Variants in PDE9A observed in about 807,000 individuals in gnomAD.
The protein encoded by PDE9A is high affinity cGMP-specific 3',5'-cyclic phosphodiesterase 9A.
PDE9A carries 60 observed loss-of-function variants against 87.4 expected under a neutral mutation model. The ratio of observed to expected loss-of-function variants is 0.69; its 90% CI spans 0.56 to 0.85. The LOEUF (loss-of-function observed/expected upper bound fraction) is 0.85. Ranked by LOEUF, PDE9A falls within the 40% of genes least tolerant of loss-of-function variation. The pLI, the probability that PDE9A is intolerant of heterozygous loss-of-function variation, is 0.00. For missense variants in PDE9A, 665 were observed against 779.0 expected (o/e 0.85, Z 1.74); for synonymous variants, 272 against 279.4 (o/e 0.97, Z 0.27).
At chr21:42,661,778 C>T (rs2057518401) in intron 1 of PDE9A, among the ~76,000 whole-genome samples, 1 of 152,230 alleles carries the variant, frequency 6.6e-6, no homozygotes, top group Non-Finnish European at 1.5e-5. Context: ...GAAGGCCTCT[C>T]CACGTCTTGA....
chr21:42,676,683 G>A (rs1017477671), intron 1 of PDE9A, among the ~76,000 whole-genome samples: 2 of 152,140 alleles, frequency 1.3e-5, no homozygotes, highest in Non-Finnish European at 2.9e-5. Context: ...GAGGGCATCC[G>A]ACTCATCTCT....
rs1602272087 is a variant in PDE9A, at chr21:42,723,111, TG to T, written c.263-8657del. 6.6e-6 allele frequency among the ~76,000 whole-genome samples: 1 copy of T among 152,240 alleles called. No homozygotes were observed. Among genetic ancestry groups the T allele is most frequent in the East Asian group, 1.9e-4 (1 of 5,198 alleles). On this transcript the variant is annotated intron_variant, in intron 4 of 19. Coordinates refer to ENST00000291539, the MANE Select transcript of PDE9A (RefSeq NM_002606.3). The surrounding 1 kb of genome is among the most constrained non-coding windows in gnomAD (Gnocchi z 4.3). ...GCTGCGTCCTGCCCAGGAATGAGGCTGGCAGCCCATAGGCCCCTCCTTGGTC... is the reference window on the plus strand; with the variant it reads ...GCTGCGTCCTGCCCAGGAATGAGGCTGCAGCCCATAGGCCCCTCCTTGGTC...
chr21:42,687,636 A>C (rs2059548504), intron 2 of PDE9A, among the ~76,000 whole-genome samples: 1 of 152,238 alleles, frequency 6.6e-6, no homozygotes, highest in Non-Finnish European at 1.5e-5. Flanking sequence ...TTTTTAAAAA[A>C]AATCTCCCAA....
chr21:42,662,836 CCACACACCA>C (rs2057657387), intron 1 of PDE9A, among the ~76,000 whole-genome samples: 2 of 130,468 alleles, frequency 1.5e-5, no homozygotes, highest in African/African-American at 6.2e-5. Flanking sequence ...CACACACCCA[CCACACACCA>C]CACACATGCA....
intron 4 of PDE9A, among the ~76,000 whole-genome samples, chr21:42,721,982 CT>C (rs11291213): frequency 0.63 from 92,644 of 146,384 alleles, 29,459 homozygotes; most frequent in East Asian, 0.94. Context: ...TTTTTCTTTT[CT>C]TTTTTTTTTT....
intron 8 of PDE9A, among the ~76,000 whole-genome samples, chr21:42,745,601 C>A (rs566327030): frequency 6.6e-6 from 1 of 152,320 alleles, no homozygotes; most frequent in Admixed American, 6.5e-5. Flanking sequence ...ACACACAGCA[C>A]CTTCACCTGT....
intron 1 of PDE9A, among the ~76,000 whole-genome samples, chr21:42,680,239 C>T (rs2059096216): frequency 6.6e-6 from 1 of 152,248 alleles, no homozygotes; most frequent in African/African-American, 2.4e-5. Context: ...TCGCCACCAG[C>T]TCCACATCTC....
chr21:42,731,714 G>A, intron 4 of PDE9A, 56 bp from the exon 5 acceptor site: 2 of 1,536,542 alleles, frequency 1.3e-6, no homozygotes, highest in Middle Eastern at 1.8e-4. Flanking sequence ...AATAGACCTG[G>A]ACACTAAGAG....
Position 42,660,770 on chromosome 21 carries a change from C to G in PDE9A, c.69+6887C>G, listed in dbSNP as rs911910059. 1.3e-5 allele frequency among the ~76,000 whole-genome samples: 2 copies of G among 152,140 alleles called. No homozygotes were observed. The highest frequency in any genetic ancestry group is 4.8e-5 in the African/African-American group (2 of 41,424). Reference sequence around the variant, plus strand: ...GGGCACCAGGGACGCCCAGTGCACTCAGCCACCCAGGGGTGGCTCCCAACA... The same window carrying G: ...GGGCACCAGGGACGCCCAGTGCACTGAGCCACCCAGGGGTGGCTCCCAACA... On this transcript the variant is annotated intron_variant, in intron 1 of 19. Transcript: ENST00000291539. This position sits in a 1 kb window ranked among gnomAD's most constrained non-coding sequence, Gnocchi z 4.7.
At chr21:42,746,053 C>T (rs978040061) in intron 8 of PDE9A, among the ~76,000 whole-genome samples, 48 of 152,230 alleles carry the variant, frequency 3.2e-4, no homozygotes, top group African/African-American at 1.1e-3. Context: ...ATCCCTTAAA[C>T]GACTGCATTT....
chr21:42,774,263 C>G (rs1433346732), intron 19 of PDE9A, among the ~76,000 whole-genome samples: 2 of 152,170 alleles, frequency 1.3e-5, no homozygotes, highest in African/African-American at 2.4e-5. Context: ...ATAAGAGGAG[C>G]TGCAACAGGC....
chr21:42,659,357 G>T lies in PDE9A; in HGVS notation c.69+5474G>T, dbSNP rs1271994133. ...CCGCCCAATCTGGGAATCCAGGAGGGCTGGTCCCATAGAGTGGTGGGGACA... is the reference window on the plus strand; with the variant it reads ...CCGCCCAATCTGGGAATCCAGGAGGTCTGGTCCCATAGAGTGGTGGGGACA... On this transcript the variant is annotated intron_variant, in intron 1 of 19. Coordinates refer to ENST00000291539, the MANE Select transcript of PDE9A (RefSeq NM_002606.3). The surrounding 1 kb of genome is among the most constrained non-coding windows in gnomAD (Gnocchi z 4.1). Among the ~76,000 whole-genome samples, 1 of 152,236 alleles carries T rather than the reference G, an allele frequency of 6.6e-6. No individual in the cohort carries two copies. Among genetic ancestry groups the T allele is most frequent in the Non-Finnish European group, 1.5e-5 (1 of 68,044 alleles).
chr21:42,774,918 C>T (rs1172070891), intron 19 of PDE9A, among the ~76,000 whole-genome samples: 6 of 146,926 alleles, frequency 4.1e-5, no homozygotes, highest in Middle Eastern at 3.5e-3. Context: ...AATCCTGTAA[C>T]GTTTCTGCGA....
rs955434934 is a variant in PDE9A at position 42,696,282 on chromosome 21, G to A, written c.219-2686G>A. On this transcript the variant is annotated intron_variant, in intron 3 of 19. Transcript: ENST00000291539. The surrounding 1 kb of genome is among the most constrained non-coding windows in gnomAD (Gnocchi z 5.1). ...ACGCCTCTCTGGCTCTGTCCCCGCC[G>A]GCACTGTGTGGGATCCATGCTGTTC... Among the ~76,000 whole-genome samples the A allele has an allele frequency of 6.6e-6, 1 of 152,140 alleles. No homozygotes were observed. The highest frequency in any genetic ancestry group is 1.9e-4 in the East Asian group (1 of 5,198).
chr21:42,690,869 G>A (rs2059787849), intron 3 of PDE9A, among the ~76,000 whole-genome samples: 1 of 152,068 alleles, frequency 6.6e-6, no homozygotes, highest in Non-Finnish European at 1.5e-5. Context: ...TGCAGAACCA[G>A]CTTCTGCTTA....
intron 1 of PDE9A, among the ~76,000 whole-genome samples, chr21:42,670,534 ACACT>A (rs1199983588): frequency 1.9e-4 from 29 of 151,880 alleles, no homozygotes; most frequent in Admixed American, 3.3e-4. Context: ...TCACACATTC[ACACT>A]CACGTACACT....
intron 3 of PDE9A, among the ~76,000 whole-genome samples, chr21:42,697,199 C>T (rs1170318298): frequency 1.3e-5 from 2 of 152,102 alleles, no homozygotes; most frequent in African/African-American, 2.4e-5. Flanking sequence ...CCGGCTCTCC[C>T]GAGAACCTCA....
At chr21:42,708,629 A>C (rs572654501) in intron 4 of PDE9A, among the ~76,000 whole-genome samples, 2 of 152,202 alleles carry the variant, frequency 1.3e-5, no homozygotes, top group Admixed American at 1.3e-4. Flanking sequence ...ATCTCGGCTC[A>C]CTGCAACTTC....
At chr21:42,717,350 G>A (rs1279637524) in intron 4 of PDE9A, among the ~76,000 whole-genome samples, 31 of 125,532 alleles carry the variant, frequency 2.5e-4, no homozygotes, top group Non-Finnish European at 4.6e-4. Context: ...CCAGGTTGGA[G>A]TGTACAATCA....
Sources: gnomAD v4.1 joint callset for allele counts (sites outside exome capture counted in the v4.1 genomes callset) on GRCh38, gnomAD v4.1.1 for gene constraint, Gnocchi (gnomAD v3.1) non-coding constraint, MANE v1.5 for transcripts, NCBI Gene and HGNC (gene_info 2026-07-23, HGNC 2026-07-21) for gene names.